Variants in PMP22 observed in about 807,000 individuals in gnomAD.
PMP22 encodes peripheral myelin protein 22.
PMP22 carries 2 observed loss-of-function variants against 18.9 expected under a neutral mutation model. The ratio of observed to expected loss-of-function variants is 0.11; its 90% CI spans 0.04 to 0.33. The LOEUF (loss-of-function observed/expected upper bound fraction) is 0.33, where lower values mean the gene tolerates loss of function less well. Ranked by LOEUF, PMP22 falls within the 10% of genes least tolerant of loss-of-function variation. The pLI is 1.00. For synonymous variants in PMP22, 95 were observed against 89.2 expected (o/e 1.07, Z -0.37); for missense variants, 169 against 202.2 (o/e 0.84, Z 1.00).
In PMP22 at chr17:15,239,589, G is replaced by A; in HGVS notation, c.201C>T (p.Ala67=). The change falls in exon 4 of 5, where the codon GCC becomes GCT. Residue 67 remains alanine (A), a synonymous_variant. Transcript: ENST00000312280. The part of the protein sequence containing the change: ...SPNEWLQSVQ[A]TMILSIIFSI... ...TGAAGATGATCGACAGGATCATGGT[G>A]GCCTGGACAGACTGCAGCCATTCTG... 2 of 1,613,974 alleles carry A rather than the reference G, an allele frequency of 1.2e-6. No individual in the cohort carries two copies. The highest frequency in any genetic ancestry group is 1.7e-6 in the Non-Finnish European group (2 of 1,179,846).
At chr17:15,246,671 C>T (rs753783896) in intron 3 of PMP22, among the ~76,000 whole-genome samples, 3 of 152,206 alleles carry the variant, frequency 2.0e-5, no homozygotes, top group Admixed American at 6.5e-5. Flanking sequence ...GTCCTCCAGG[C>T]CACACTCAGT....
At chr17:15,256,839 C>T (rs971368710) in intron 3 of PMP22, among the ~76,000 whole-genome samples, 1 of 152,136 alleles carries the variant, frequency 6.6e-6, no homozygotes, top group African/African-American at 2.4e-5. Context: ...ATCAAAGAGG[C>T]CCTGGAGGAT....
In PMP22 at chr17:15,259,216, C is replaced by T. The variant is rs200949305; in HGVS notation, c.79-23G>A. 4.9e-4 allele frequency: 770 copies of T among 1,576,146 alleles called. 1 individual carries two copies. The highest frequency in any genetic ancestry group is 6.5e-4 in the Non-Finnish European group (741 of 1,145,526). On this transcript the variant is annotated intron_variant, in intron 2 of 4. Transcript: ENST00000312280. ...TTGCTAGAGAGAATCAGATAGATATCCTGAGTCAGGGAGGGAGGGAGGAGT... is the reference window on the plus strand; with the variant it reads ...TTGCTAGAGAGAATCAGATAGATATTCTGAGTCAGGGAGGGAGGGAGGAGT...
rs79570799 is a variant in PMP22 at position 15,261,629 on chromosome 17, G to A, written c.-34-868C>T. 0.011 allele frequency: 1,753 copies of A among 152,458 alleles called. 81 individuals are homozygous for A. The East Asian group carries it at 0.14, about 13-fold the overall frequency. The allele number at this position is 152,458 out of a possible 1,614,324, so 9.4% of individuals were successfully genotyped here. On this transcript the variant is annotated intron_variant, in intron 1 of 4. Coordinates refer to ENST00000312280, the MANE Select transcript of PMP22 (RefSeq NM_000304.4). The surrounding 1 kb of genome is among the most constrained non-coding windows in gnomAD (Gnocchi z 5.2). Reference sequence around the variant, plus strand: ...CCCAACAAGCCTGAGCTCCGGTCTGGGTGCGGTGGGACAGGAGCCCAGGAG... The same window carrying A: ...CCCAACAAGCCTGAGCTCCGGTCTGAGTGCGGTGGGACAGGAGCCCAGGAG...
intron 3 of PMP22, among the ~76,000 whole-genome samples, chr17:15,245,132 C>A (rs919814934): frequency 6.6e-6 from 1 of 152,188 alleles, no homozygotes; most frequent in African/African-American, 2.4e-5. Flanking sequence ...AGAAAGCAAA[C>A]TCCATTCCAG....
At chr17:15,264,615 A>G (rs1909589361) in intron 1 of PMP22, among the ~76,000 whole-genome samples, 3 of 152,182 alleles carry the variant, frequency 2.0e-5, no homozygotes, top group African/African-American at 7.2e-5. Context: ...TTTTGAACCC[A>G]ATAGTTTAAT....
chr17:15,245,106 C>T (rs777994910), intron 3 of PMP22, among the ~76,000 whole-genome samples: 4 of 152,186 alleles, frequency 2.6e-5, no homozygotes, highest in Admixed American at 1.3e-4. Context: ...GGAAAAAAAA[C>T]AGAGCCCAGC....
rs755673309 is a variant in PMP22, at chr17:15,239,479, A to T, written c.311T>A (p.Ile104Asn). ...TACCATCCACAACTTACCAGCAAGAATTTGGAAGATTCCAGTGATGTAAAA... is the reference window on the plus strand; with the variant it reads ...TACCATCCACAACTTACCAGCAAGATTTTGGAAGATTCCAGTGATGTAAAA... ...GRFYITGIFQ[I>N]LAGLCVMSAA... Residue 104 changes from isoleucine to asparagine, a missense_variant, in exon 4 of 5, where the codon ATT becomes AAT. Transcript: ENST00000312280. The T allele has an allele frequency of 1.2e-6, 2 of 1,614,124 alleles. No individual in the cohort carries two copies. Among genetic ancestry groups the T allele is most frequent in the East Asian group, 4.5e-5 (2 of 44,900 alleles).
chr17:15,247,860 G>A (rs929117103), intron 3 of PMP22, among the ~76,000 whole-genome samples: 1 of 152,010 alleles, frequency 6.6e-6, no homozygotes, highest in African/African-American at 2.4e-5. Context: ...GCCATGAGAG[G>A]GTAAATCACA....
Position 15,258,257 on chromosome 17 carries a change from C to T in PMP22, c.178+837G>A, listed in dbSNP as rs1192944382. Reference sequence around the variant, plus strand: ...ACAAAAGATCATGTGGATCCAGGTCCACGGGCTCTTAACATCAATCGCTAT... The same window carrying T: ...ACAAAAGATCATGTGGATCCAGGTCTACGGGCTCTTAACATCAATCGCTAT... On this transcript the variant is annotated intron_variant, in intron 3 of 4. Transcript: ENST00000312280. This position sits in a 1 kb window ranked among gnomAD's most constrained non-coding sequence, Gnocchi z 4.1. 6.6e-6 allele frequency among the ~76,000 whole-genome samples: 1 copy of T among 152,130 alleles called. No individual in the cohort carries two copies. Among genetic ancestry groups the T allele is most frequent in the African/African-American group, 2.4e-5 (1 of 41,438 alleles).
At chr17:15,245,633 G>A (rs900776719) in intron 3 of PMP22, among the ~76,000 whole-genome samples, 4 of 152,132 alleles carry the variant, frequency 2.6e-5, no homozygotes, top group African/African-American at 7.2e-5. Context: ...GAGAAAACAG[G>A]GTAAACAAGC....
intron 1 of PMP22, 80 bp from the exon 2 acceptor site, chr17:15,260,841 A>T (rs1450922503): frequency 9.9e-7 from 1 of 1,010,256 alleles, no homozygotes; most frequent in South Asian, 1.4e-5. Context: ...GGTCCCGCGC[A>T]CTAGCGGAAG....
chr17:15,250,870 T>C (rs1039565483), intron 3 of PMP22, among the ~76,000 whole-genome samples: 1 of 152,256 alleles, frequency 6.6e-6, no homozygotes, highest in Non-Finnish European at 1.5e-5. Flanking sequence ...GTCATCATCA[T>C]GTCCAGTCTG....
At chr17:15,260,863 C>T (rs1045179745) in intron 1 of PMP22, 102 bp from the exon 2 acceptor site, 42 of 846,270 alleles carry the variant, frequency 5.0e-5, no homozygotes, top group Non-Finnish European at 7.1e-5. Flanking sequence ...CCCGGCCTGG[C>T]CCAGCGCCCG....
intron 4 of PMP22, among the ~76,000 whole-genome samples, chr17:15,238,746 AAC>A (rs541276832): frequency 2.2e-3 from 332 of 152,348 alleles, no homozygotes; most frequent in African/African-American, 7.9e-3. Flanking sequence ...CACCCTGTGT[AAC>A]AGAAGTTTCT....
At position 15,239,459 on chromosome 17, in the gene PMP22, T is replaced by C; in HGVS notation, c.319+12A>G. On this transcript the variant is annotated intron_variant, in intron 4 of 4. Coordinates refer to ENST00000312280, the MANE Select transcript of PMP22 (RefSeq NM_000304.4). ...CCCCGCTTCCACATGGACTTTACCATCCACAACTTACCAGCAAGAATTTGG... is the reference window on the plus strand; with the variant it reads ...CCCCGCTTCCACATGGACTTTACCACCCACAACTTACCAGCAAGAATTTGG... 6.2e-7 allele frequency: 1 copy of C among 1,614,194 alleles called. No homozygotes were observed. Among genetic ancestry groups the C allele is most frequent in the Non-Finnish European group, 8.5e-7 (1 of 1,180,012 alleles).
At chr17:15,253,266 A>G (rs1908521463) in intron 3 of PMP22, among the ~76,000 whole-genome samples, 1 of 152,224 alleles carries the variant, frequency 6.6e-6, no homozygotes, top group South Asian at 2.1e-4. Flanking sequence ...TAATCAAGGC[A>G]GAGGGAACCT....
chr17:15,260,894 G>A, intron 1 of PMP22, 133 bp from the exon 2 acceptor site: 1 of 496,388 alleles, frequency 2.0e-6, no homozygotes, highest in Non-Finnish European at 3.4e-6. Flanking sequence ...GCCCGCGCGG[G>A]TCAGGAGCCT....
Position 15,260,679 on chromosome 17 carries a change from C to T in PMP22, c.49G>A (p.Val17Met), listed in dbSNP as rs929552332. 1.9e-6 allele frequency: 3 copies of T among 1,553,276 alleles called. No individual in the cohort carries two copies. Among genetic ancestry groups the T allele is most frequent in the Non-Finnish European group, 8.7e-7 (1 of 1,147,908 alleles). The change falls in exon 2 of 5, where the codon GTG (valine) becomes ATG (methionine). Residue 17 changes from valine to methionine, a missense_variant. Coordinates refer to ENST00000312280, the MANE Select transcript of PMP22 (RefSeq NM_000304.4). ...SIIVLHVAVL[V>M]LLFVSTIVSQ... is the part of the protein sequence containing the mutation. ...ACGATCGTGGAGACGAACAGCAGCA[C>T]CAGCACCGCGACGTGGAGGACGATG...
Sources: gnomAD v4.1 joint callset for allele counts (sites outside exome capture counted in the v4.1 genomes callset) on GRCh38, gnomAD v4.1.1 for gene constraint, Gnocchi (gnomAD v3.1) non-coding constraint, MANE v1.5 for transcripts, NCBI Gene and HGNC (gene_info 2026-07-23, HGNC 2026-07-21) for gene names.